Variants in SLC13A1 observed in about 807,000 individuals in gnomAD.
SLC13A1 encodes the protein solute carrier family 13 member 1, also known as Na(+)/sulfate cotransporter.
A neutral mutation model predicts 70.0 loss-of-function variants in SLC13A1; 65 were observed. The ratio of observed to expected loss-of-function variants is 0.93; its 90% confidence interval spans 0.76 to 1.14. SLC13A1 has a LOEUF of 1.14. Ranked by LOEUF, SLC13A1 falls within the 50% of genes most tolerant of loss-of-function variation. The pLI, the probability that SLC13A1 is intolerant of heterozygous loss-of-function variation, is 0.00. For synonymous variants in SLC13A1, 275 were observed against 250.5 expected (o/e 1.10, Z -0.92); for missense variants, 726 against 717.8 (o/e 1.01, Z -0.13).
intron 6 of SLC13A1, among the ~76,000 whole-genome samples, chr7:123,160,439 G>T (rs1794852344): frequency 6.6e-6 from 1 of 152,040 alleles, no homozygotes; most frequent in African/African-American, 2.4e-5. Context: ...ATTTAACAAT[G>T]CAGAGGAACC....
At chr7:123,124,073 G>A (rs1428833792) in intron 11 of SLC13A1, among the ~76,000 whole-genome samples, 2 of 152,090 alleles carry the variant, frequency 1.3e-5, no homozygotes, top group African/African-American at 4.8e-5. Context: ...AAACATCTCT[G>A]ACAAGTACTT....
chr7:123,124,883 C>T (rs974337467), intron 11 of SLC13A1, among the ~76,000 whole-genome samples: 1 of 152,150 alleles, frequency 6.6e-6, no homozygotes, highest in Non-Finnish European at 1.5e-5. Flanking sequence ...ACTACAGCCT[C>T]CAACTCCTGG....
chr7:123,150,844 C>T (rs576241413), intron 6 of SLC13A1, among the ~76,000 whole-genome samples: 6 of 152,210 alleles, frequency 3.9e-5, no homozygotes, highest in African/African-American at 1.4e-4. Context: ...ATTTTGCCTT[C>T]CATCCTTCCT....
chr7:123,147,829 C>T (rs952047170), intron 6 of SLC13A1, among the ~76,000 whole-genome samples: 4 of 152,070 alleles, frequency 2.6e-5, no homozygotes, highest in African/African-American at 4.8e-5. Flanking sequence ...TCATTCATTT[C>T]TTCATCCTTC....
intron 6 of SLC13A1, among the ~76,000 whole-genome samples, chr7:123,166,513 T>C (rs1027406258): frequency 6.6e-6 from 1 of 152,012 alleles, no homozygotes; most frequent in African/African-American, 2.4e-5. Flanking sequence ...CATTTAACAT[T>C]AGGTATATCT....
chr7:123,181,171 A>G (rs1795627701), intron 1 of SLC13A1, 70 bp from the exon 2 acceptor site: 1 of 1,507,974 alleles, frequency 6.6e-7, no homozygotes, highest in Non-Finnish European at 9.1e-7. Flanking sequence ...AAACACAAAC[A>G]TGTTTGCTTA....
rs968875379 is a variant in SLC13A1 at position 123,168,356 on chromosome 7, A to G, written c.660+18T>C. 1.3e-6 allele frequency: 2 copies of G among 1,506,174 alleles called. No homozygotes were observed. The highest frequency in any genetic ancestry group is 9.1e-7 in the Non-Finnish European group (1 of 1,093,726). 93.3% of individuals were successfully genotyped at this position (1,506,174 alleles called of 1,614,324 possible). A position where few individuals can be genotyped will look rare whatever the true frequency, so the allele number is the denominator to read the frequency against. On this transcript the variant is annotated intron_variant, in intron 6 of 14. Coordinates refer to ENST00000194130, the MANE Select transcript of SLC13A1 (RefSeq NM_022444.4). ...TAATTTTGTATATAATTATTTAGAA[A>G]GAATCAAATTTATGTACCTTTTCCA...
intron 1 of SLC13A1, among the ~76,000 whole-genome samples, chr7:123,199,208 T>G (rs775821664): frequency 1.3e-5 from 2 of 152,154 alleles, no homozygotes; most frequent in Non-Finnish European, 2.9e-5. Flanking sequence ...TGTTCTGGAC[T>G]TAATGCCCTG....
chr7:123,153,554 G>A (rs1317410549), intron 6 of SLC13A1, among the ~76,000 whole-genome samples: 2 of 152,026 alleles, frequency 1.3e-5, no homozygotes, highest in Non-Finnish European at 2.9e-5. Context: ...AAAGCATGAG[G>A]ACTAGAGGGA....
chr7:123,129,521 T>C (rs766177332), intron 8 of SLC13A1, 40 bp from the exon 9 acceptor site: 2 of 1,411,994 alleles, frequency 1.4e-6, no homozygotes, highest in East Asian at 2.3e-5. Context: ...GAAATTCTTT[T>C]ACTACCACCT....
intron 4 of SLC13A1, 24 bp downstream of exon 4, chr7:123,169,124 A>G: frequency 1.2e-6 from 2 of 1,609,866 alleles, no homozygotes; most frequent in Non-Finnish European, 1.7e-6. Context: ...TAGACCCCAG[A>G]TTGGCCATAT....
chr7:123,187,376 T>C (rs985468686), intron 1 of SLC13A1, among the ~76,000 whole-genome samples: 3 of 152,230 alleles, frequency 2.0e-5, no homozygotes, highest in Non-Finnish European at 4.4e-5. Context: ...TTATAAAATA[T>C]TTAGAACATA....
At chr7:123,117,326 T>G (rs1005707278) in intron 14 of SLC13A1, 145 bp downstream of exon 14, 1 of 666,284 alleles carries the variant, frequency 1.5e-6, no homozygotes, top group South Asian at 2.5e-5. Flanking sequence ...ATTTTGTGAT[T>G]AGTCATGCAC....
rs1181306523 is a variant in SLC13A1 at position 123,180,962 on chromosome 7, A to G, written c.228+11T>C. Reference sequence around the variant, plus strand: ...AGGAAATCAACTTATGACATTGGCAAGAGGACTTACCTTCTTAGAAGGCAT... The same window carrying G: ...AGGAAATCAACTTATGACATTGGCAGGAGGACTTACCTTCTTAGAAGGCAT... On this transcript the variant is annotated intron_variant, in intron 2 of 14. Transcript: ENST00000194130. The G allele has an allele frequency of 6.2e-7, 1 of 1,604,490 alleles. No homozygotes were observed. Among genetic ancestry groups the G allele is most frequent in the South Asian group, 1.1e-5 (1 of 89,968 alleles).
intron 6 of SLC13A1, among the ~76,000 whole-genome samples, chr7:123,156,971 G>A (rs1227868792): frequency 6.6e-6 from 1 of 152,006 alleles, no homozygotes; most frequent in Non-Finnish European, 1.5e-5. Flanking sequence ...TGCTCTCTTG[G>A]ATGCCACTGG....
intron 1 of SLC13A1, among the ~76,000 whole-genome samples, chr7:123,196,546 A>G (rs1563361199): frequency 6.6e-6 from 1 of 151,998 alleles, no homozygotes; most frequent in Non-Finnish European, 1.5e-5. Context: ...GGACGCAAGT[A>G]TGGAGAAAAG....
At chr7:123,147,020 T>A in intron 7 of SLC13A1, 139 bp downstream of exon 7, 1 of 782,582 alleles carries the variant, frequency 1.3e-6, no homozygotes, top group Non-Finnish European at 2.0e-6. Flanking sequence ...GGTCTGTAGA[T>A]CTATAGATGT....
rs780076116 is a variant in SLC13A1 at position 123,115,642 on chromosome 7, A to C, written c.1664T>G (p.Leu555Arg). 1 of 1,613,718 alleles carries C rather than the reference A, an allele frequency of 6.2e-7. No homozygotes were observed. Among genetic ancestry groups the C allele is most frequent in the Non-Finnish European group, 8.5e-7 (1 of 1,179,758 alleles). The change falls in exon 15 of 15, where the codon CTT becomes CGT. Residue 555 changes from leucine to arginine, a missense_variant. Physicochemically the swap from Leu to Arg is moderately radical, Grantham distance 102 (BLOSUM62 -2). Transcript: ENST00000194130. Reference sequence around the variant, plus strand: ...AGCAACACCAACAATGTTGACACCAAGTCCAGCTTTAACCTTGAACAGGAA... The same window carrying C: ...AGCAACACCAACAATGTTGACACCACGTCCAGCTTTAACCTTGAACAGGAA... ...LKVIDMVKAG[L>R]GVNIVGVAVV...
At chr7:123,163,834 G>A (rs113349131) in intron 6 of SLC13A1, among the ~76,000 whole-genome samples, 1,896 of 151,948 alleles carry the variant, frequency 0.012, 35 homozygotes, top group African/African-American at 0.042. Context: ...TGGAAACTTA[G>A]TGTAGTTTAT....
Sources: gnomAD v4.1 joint callset for allele counts (sites outside exome capture counted in the v4.1 genomes callset) on GRCh38, gnomAD v4.1.1 for gene constraint, MANE v1.5 for transcripts, NCBI Gene and HGNC (gene_info 2026-07-23, HGNC 2026-07-21) for gene names.